GABRB1: variants seen among roughly 807,000 people sequenced by gnomAD.
The protein encoded by GABRB1 is gamma-aminobutyric acid receptor subunit beta-1.
A neutral mutation model predicts 51.6 loss-of-function variants in GABRB1; 17 were observed. The ratio of observed to expected loss-of-function variants is 0.33; its 90% CI spans 0.23 to 0.49. The LOEUF is 0.49. Ranked by LOEUF, GABRB1 falls within the 20% of genes least tolerant of loss-of-function variation. The pLI is 0.99. For missense variants in GABRB1, 410 were observed against 600.6 expected (o/e 0.68, Z 3.32); for synonymous variants, 247 against 218.9 (o/e 1.13, Z -1.14).
chr4:47,103,569 T>C (rs1714814493), intron 3 of GABRB1, among the ~76,000 whole-genome samples: 1 of 151,996 alleles, frequency 6.6e-6, no homozygotes, highest in African/African-American at 2.4e-5. Context: ...CAGTATTGTA[T>C]TTTATTCAAT....
chr4:47,105,967 A>G (rs997721836), intron 3 of GABRB1, among the ~76,000 whole-genome samples: 5 of 152,118 alleles, frequency 3.3e-5, no homozygotes, highest in Non-Finnish European at 7.4e-5. Context: ...CATTGACCAT[A>G]GGTAAGCAAG....
intron 4 of GABRB1, among the ~76,000 whole-genome samples, chr4:47,215,749 A>C (rs1720528681): frequency 6.6e-6 from 1 of 152,118 alleles, no homozygotes; most frequent in African/African-American, 2.4e-5. Flanking sequence ...TCAATGTAGT[A>C]ACTTATTTAC....
At chr4:47,022,630 G>A (rs1005935868) in intron 1 of GABRB1, among the ~76,000 whole-genome samples, 2 of 152,040 alleles carry the variant, frequency 1.3e-5, no homozygotes, top group African/African-American at 4.8e-5. Context: ...AAATAGCTTA[G>A]ATCCAAAAGA....
chr4:47,280,910 T>C (rs1456393961), intron 4 of GABRB1, among the ~76,000 whole-genome samples: 2 of 150,560 alleles, frequency 1.3e-5, no homozygotes, highest in Non-Finnish European at 3.0e-5. Context: ...TGCCTTAGCC[T>C]CCCGAAGTGC....
chr4:47,379,208 A>G (rs1292448144), intron 5 of GABRB1, among the ~76,000 whole-genome samples: 3 of 152,204 alleles, frequency 2.0e-5, no homozygotes, highest in Non-Finnish European at 4.4e-5. Context: ...ACTCTACTAT[A>G]CAACTATGCT....
intron 4 of GABRB1, among the ~76,000 whole-genome samples, chr4:47,245,974 G>A (rs191722033): frequency 6.7e-6 from 1 of 150,238 alleles, no homozygotes; most frequent in Non-Finnish European, 1.5e-5. Context: ...ACATAAGTAA[G>A]TTCTTTAGTG....
At chr4:47,241,609 TCTC>T (rs571869615) in intron 4 of GABRB1, among the ~76,000 whole-genome samples, 13 of 152,260 alleles carry the variant, frequency 8.5e-5, no homozygotes, top group African/African-American at 3.1e-4. Flanking sequence ...GGAACAAACT[TCTC>T]CTTCATAAAG....
chr4:47,324,376 T>C (rs1725179770), intron 5 of GABRB1, among the ~76,000 whole-genome samples: 1 of 152,142 alleles, frequency 6.6e-6, no homozygotes, highest in African/African-American at 2.4e-5. Flanking sequence ...AGCTCTCAGA[T>C]CCTCAATCCT....
At chr4:47,086,947 A>G (rs1310183724) in intron 3 of GABRB1, among the ~76,000 whole-genome samples, 1 of 152,162 alleles carries the variant, frequency 6.6e-6, no homozygotes, top group East Asian at 1.9e-4. Context: ...ATTCCCTTTT[A>G]TCCTCACAGT....
chr4:47,070,684 C>A (rs1315590943), intron 3 of GABRB1, among the ~76,000 whole-genome samples: 4 of 152,154 alleles, frequency 2.6e-5, no homozygotes, highest in Non-Finnish European at 5.9e-5. Flanking sequence ...AATACTACTA[C>A]ATCTAGGTTT....
intron 4 of GABRB1, among the ~76,000 whole-genome samples, chr4:47,247,650 T>C (rs761591435): frequency 6.6e-6 from 1 of 152,152 alleles, no homozygotes; most frequent in Non-Finnish European, 1.5e-5. Flanking sequence ...TACCCAACCA[T>C]GAGCATGGGA....
At chr4:47,040,408 T>G (rs571269121) in intron 3 of GABRB1, among the ~76,000 whole-genome samples, 8 of 152,220 alleles carry the variant, frequency 5.3e-5, no homozygotes, top group Non-Finnish European at 7.4e-5. Flanking sequence ...AAAAATGATA[T>G]TCAGAAGCAA....
chr4:47,077,921 T>TTATATATA (rs1727634419), intron 3 of GABRB1, among the ~76,000 whole-genome samples: 2 of 132,128 alleles, frequency 1.5e-5, no homozygotes, highest in African/African-American at 5.7e-5. Flanking sequence ...TATTATATAT[T>TTATATATA]TTATATATAT....
intron 4 of GABRB1, among the ~76,000 whole-genome samples, chr4:47,241,869 C>G (rs954221415): frequency 1.3e-5 from 2 of 151,610 alleles, no homozygotes; most frequent in African/African-American, 4.8e-5. Context: ...TTTTTTTTAT[C>G]ATTTCTTTTT....
chr4:47,125,022 T>C (rs1485065501), intron 3 of GABRB1, among the ~76,000 whole-genome samples: 1 of 152,150 alleles, frequency 6.6e-6, no homozygotes, highest in African/African-American at 2.4e-5. Flanking sequence ...AAGAAGATTA[T>C]ATATAGACAC....
At chr4:47,140,839 A>G (rs997195947) in intron 3 of GABRB1, among the ~76,000 whole-genome samples, 2 of 151,676 alleles carry the variant, frequency 1.3e-5, no homozygotes. Flanking sequence ...CTATATGAAT[A>G]TAAAGGTATA....
intron 1 of GABRB1, among the ~76,000 whole-genome samples, chr4:47,016,925 C>T (rs561321105): frequency 1.9e-3 from 283 of 152,174 alleles, no homozygotes; most frequent in Non-Finnish European, 3.3e-3. Context: ...TGATGTTTTT[C>T]GGTTTAAATG....
intron 4 of GABRB1, among the ~76,000 whole-genome samples, chr4:47,250,951 A>G (rs1378863601): frequency 6.6e-6 from 1 of 152,002 alleles, no homozygotes; most frequent in Non-Finnish European, 1.5e-5. Flanking sequence ...TTTCAGGTAA[A>G]TCAGGTATTT....
chr4:47,120,843 C>G (rs932809855), intron 3 of GABRB1, among the ~76,000 whole-genome samples: 4 of 152,062 alleles, frequency 2.6e-5, no homozygotes, highest in East Asian at 1.9e-4. Flanking sequence ...GAGTTGATAT[C>G]CAGGTTGCAA....
Sources: allele counts gnomAD v4.1 joint callset (sites outside exome capture counted in the v4.1 genomes callset), GRCh38; gene constraint gnomAD v4.1.1; transcripts MANE v1.5; gene names NCBI Gene and HGNC (gene_info 2026-07-23, HGNC 2026-07-21).